PPP6R2: variants seen among roughly 807,000 people sequenced by gnomAD.
PPP6R2 encodes serine/threonine-protein phosphatase 6 regulatory subunit 2.
A neutral mutation model predicts 100.2 loss-of-function variants in PPP6R2; 62 were observed. That is an observed-to-expected ratio of 0.62 (90% CI 0.50 to 0.76). The LOEUF is 0.76. PPP6R2 is among the 30% of genes least tolerant of loss of function. PPP6R2 has a pLI of 0.00. For missense variants in PPP6R2, 1,142 were observed against 1,276.3 expected, an observed-to-expected ratio of 0.89 and a Z score of 1.60; for synonymous variants, 525 against 514.7, an observed-to-expected ratio of 1.02 and a Z score of -0.27.
intron 6 of PPP6R2, among the ~76,000 whole-genome samples, chr22:50,417,454 C>T (rs1203982802): frequency 6.6e-6 from 1 of 152,184 alleles, no homozygotes; most frequent in African/African-American, 2.4e-5. Flanking sequence ...ATGGGGCTCC[C>T]TGTGGTGATC....
At chr22:50,370,876 C>T (rs1474878738) in intron 1 of PPP6R2, among the ~76,000 whole-genome samples, 1 of 152,184 alleles carries the variant, frequency 6.6e-6, no homozygotes, top group Non-Finnish European at 1.5e-5. Context: ...TCATGATCCA[C>T]CCGCCTCGGC....
At chr22:50,362,691 A>C (rs2048025285) in intron 1 of PPP6R2, among the ~76,000 whole-genome samples, 1 of 152,182 alleles carries the variant, frequency 6.6e-6, no homozygotes, top group Non-Finnish European at 1.5e-5. Context: ...TGAGGTCACC[A>C]GGTGGGGCTC....
intron 3 of PPP6R2, among the ~76,000 whole-genome samples, chr22:50,397,340 C>T (rs904267743): frequency 3.0e-4 from 45 of 152,210 alleles, no homozygotes; most frequent in African/African-American, 9.1e-4. Flanking sequence ...CCCTGTGACT[C>T]GGAGGGAGGG....
intron 18 of PPP6R2, 148 bp from the exon 19 acceptor site, chr22:50,438,451 A>G: frequency 1.4e-6 from 2 of 1,435,512 alleles, no homozygotes; most frequent in South Asian, 1.4e-5. Context: ...GACCCTAAGG[A>G]GCCCAGAGCT....
At chr22:50,361,566 G>C (rs758439790) in intron 1 of PPP6R2, among the ~76,000 whole-genome samples, 1 of 151,874 alleles carries the variant, frequency 6.6e-6, no homozygotes, top group Non-Finnish European at 1.5e-5. Flanking sequence ...TTTCCTCCCT[G>C]CTGCTTTTTG....
intron 3 of PPP6R2, among the ~76,000 whole-genome samples, chr22:50,404,875 C>T (rs771724131): frequency 1.3e-5 from 2 of 152,172 alleles, no homozygotes; most frequent in African/African-American, 2.4e-5. Flanking sequence ...CCCCAGCATT[C>T]CCAGAGGCAG....
Position 50,401,619 on chromosome 22 carries a change from C to T in PPP6R2, c.228-5070C>T, listed in dbSNP as rs560117246. On this transcript the variant is annotated intron_variant, in intron 3 of 23. Transcript: ENST00000612753. ...CTCTGCCTCCTGGGTTCACACCATTCTCCCGCCTCAGCCTCCCTTTTTCTT... is the reference window on the plus strand; with the variant it reads ...CTCTGCCTCCTGGGTTCACACCATTTTCCCGCCTCAGCCTCCCTTTTTCTT... 3.7e-4 allele frequency among the ~76,000 whole-genome samples: 56 copies of T among 151,414 alleles called. 1 individual carries two copies. Among genetic ancestry groups the T allele is most frequent in the Non-Finnish European group, 6.6e-4 (45 of 67,864 alleles).
At chr22:50,415,845 C>T (rs1006180496) in intron 5 of PPP6R2, among the ~76,000 whole-genome samples, 1 of 152,230 alleles carries the variant, frequency 6.6e-6, no homozygotes, top group Non-Finnish European at 1.5e-5. Context: ...GTCCTGAAGA[C>T]AGAGCTTACA....
At chr22:50,407,822 G>A (rs1402214486) in intron 4 of PPP6R2, among the ~76,000 whole-genome samples, 1 of 148,240 alleles carries the variant, frequency 6.7e-6, no homozygotes, top group Non-Finnish European at 1.5e-5. Context: ...CATCCCTGAT[G>A]GGAGTATTTT....
intron 2 of PPP6R2, among the ~76,000 whole-genome samples, chr22:50,378,739 G>C (rs1394017107): frequency 6.6e-6 from 1 of 151,598 alleles, no homozygotes; most frequent in African/African-American, 2.4e-5. Flanking sequence ...AATTAGCTGG[G>C]CCTGGTGGGG....
intron 2 of PPP6R2, among the ~76,000 whole-genome samples, chr22:50,377,908 G>A (rs967098047): frequency 9.9e-5 from 15 of 152,246 alleles, no homozygotes; most frequent in African/African-American, 3.6e-4. Flanking sequence ...TCACGAGGCT[G>A]AGGTAGGAGA....
At position 50,431,432 on chromosome 22, in the gene PPP6R2, G is replaced by C; in HGVS notation, c.1335+50G>C. The stretch of plus-strand genomic sequence containing the variant: ...ATCAGCGCCAACTGCGCCCCACTCA[G>C]ACCGTGTCCATGTCAGCGCTGACGT... On this transcript the variant is annotated intron_variant, in intron 11 of 23. Coordinates refer to ENST00000612753, the MANE Select transcript of PPP6R2 (RefSeq NM_001242898.2). The surrounding 1 kb of genome is among the most constrained non-coding windows in gnomAD (Gnocchi z 4.8). The C allele has an allele frequency of 6.5e-7, 1 of 1,533,148 alleles. No homozygotes were observed. Among genetic ancestry groups the C allele is most frequent in the Non-Finnish European group, 8.9e-7 (1 of 1,120,590 alleles). 95.0% of individuals were successfully genotyped at this position (1,533,148 alleles called of 1,614,324 possible). A position where few individuals can be genotyped will look rare whatever the true frequency, so the allele number is the denominator to read the frequency against.
chr22:50,396,363 CATG>C (rs1569398303), intron 3 of PPP6R2, among the ~76,000 whole-genome samples: 4 of 151,836 alleles, frequency 2.6e-5, no homozygotes, highest in South Asian at 2.1e-4. Flanking sequence ...GGTGTGGTGG[CATG>C]TGCCTATAAT....
chr22:50,420,466 G>T (rs2061178195), intron 8 of PPP6R2, among the ~76,000 whole-genome samples: 1 of 152,198 alleles, frequency 6.6e-6, no homozygotes, highest in Non-Finnish European at 1.5e-5. Flanking sequence ...GTGAGTTCGG[G>T]TGAAAGTTGA....
the PPP6R2 span, among the ~76,000 whole-genome samples, chr22:50,332,129 G>T: frequency 1.3e-5 from 2 of 152,118 alleles, no homozygotes; most frequent in Non-Finnish European, 2.9e-5. Context: ...GAAATCTAAT[G>T]TACCATTTTC....
Position 50,394,020 on chromosome 22 carries a change from A to T in PPP6R2, c.112A>T (p.Lys38Ter). ...TGAAGATGACATCTTGCAGGAGTGT[A>T]AGGCTCAGAACCAGAAGCTGCTGGA... ...MDEDDILQECKAQNQKLLDFL... is the reference protein window; with the variant it reads ...MDEDDILQEC Residue 38 changes from lysine (K) to a stop codon, truncating the protein, a stop_gained, in exon 3 of 24, where the codon AAG becomes TAG. Transcript: ENST00000612753. LOFTEE classifies it high-confidence loss of function. 6.2e-7 allele frequency: 1 copy of T among 1,614,188 alleles called. No homozygotes were observed. The highest frequency in any genetic ancestry group is 8.5e-7 in the Non-Finnish European group (1 of 1,180,020).
intron 1 of PPP6R2, among the ~76,000 whole-genome samples, chr22:50,364,086 G>A (rs1242241176): frequency 2.0e-5 from 3 of 151,772 alleles, no homozygotes; most frequent in South Asian, 2.1e-4. Flanking sequence ...TAGTAGAGAC[G>A]GGGTTGCACC....
rs1400884026 is a variant in PPP6R2, at chr22:50,416,606, C to T, written c.618+449C>T. On this transcript the variant is annotated intron_variant, in intron 6 of 23. Transcript: ENST00000612753. ...TCAGCCTCCTAAAGTGCTGTGGTTA[C>T]AGGAGTGAGCCACCATGCCTGGCCT... is the stretch of plus-strand genomic sequence containing the variant. 2.0e-5 allele frequency among the ~76,000 whole-genome samples: 3 copies of T among 151,998 alleles called. No homozygotes were observed. The East Asian group carries it at 5.9e-4, about 30-fold the overall frequency.
In PPP6R2 at chr22:50,444,033, C is replaced by T; in HGVS notation, c.2747C>T (p.Ala916Val). ...IPTPAVSSAL[A>V]VAVPLGPIMA... Reference sequence around the variant, plus strand: ...ACCCCAGCAGTCTCTTCTGCACTGGCCGTGGCGGTCCCCCTAGGGCCCATC... The same window carrying T: ...ACCCCAGCAGTCTCTTCTGCACTGGTCGTGGCGGTCCCCCTAGGGCCCATC... Residue 916 changes from alanine (A) to valine (V), a missense_variant, in exon 23 of 24, where the codon GCC (alanine) becomes GTC (valine). This residue lies in a region of PPP6R2 where 550 missense variants were observed against 517.4 expected (regional missense o/e 1.06). Coordinates refer to ENST00000612753, the MANE Select transcript of PPP6R2 (RefSeq NM_001242898.2). 6.8e-6 allele frequency: 11 copies of T among 1,613,402 alleles called. No individual in the cohort carries two copies. The highest frequency in any genetic ancestry group is 1.3e-5 in the African/African-American group (1 of 75,066).
Sources: gnomAD v4.1 joint callset for allele counts (sites outside exome capture counted in the v4.1 genomes callset) on GRCh38, gnomAD v4.1.1 for gene constraint, gnomAD v4.1.1 regional missense constraint, Gnocchi (gnomAD v3.1) non-coding constraint, MANE v1.5 for transcripts, NCBI Gene and HGNC (gene_info 2026-07-23, HGNC 2026-07-21) for gene names.